Variants in DKK2 observed in about 807,000 individuals in gnomAD.
DKK2 encodes the protein dickkopf Wnt signaling pathway inhibitor 2, also known as dickkopf-related protein 2.
Under a neutral mutation model 28.1 loss-of-function variants are expected in DKK2, and 11 were observed. That is an observed-to-expected ratio of 0.39 (90% CI 0.25 to 0.65). The LOEUF (loss-of-function observed/expected upper bound fraction) is 0.65, where lower values mean the gene tolerates loss of function less well. Ranked by LOEUF, DKK2 falls within the 30% of genes least tolerant of loss-of-function variation. DKK2 has a pLI of 0.47. For missense variants in DKK2, 326 were observed against 335.5 expected (o/e 0.97, Z 0.22); for synonymous variants, 135 against 126.5 (o/e 1.07, Z -0.45).
chr4:106,983,030 A>C (rs556524715), intron 1 of DKK2, among the ~76,000 whole-genome samples: 35 of 151,430 alleles, frequency 2.3e-4, no homozygotes, highest in South Asian at 6.2e-4. Context: ...GGAAGGAAGA[A>C]GAAAGATGAA....
chr4:106,979,707 G>T (rs1722998262), intron 1 of DKK2, among the ~76,000 whole-genome samples: 1 of 152,188 alleles, frequency 6.6e-6, no homozygotes, highest in African/African-American at 2.4e-5. Context: ...ACGTGTTCAG[G>T]ATCAGCTCTG....
At chr4:106,933,096 G>T (rs1369633535) in intron 1 of DKK2, among the ~76,000 whole-genome samples, 1 of 152,126 alleles carries the variant, frequency 6.6e-6, no homozygotes, top group Non-Finnish European at 1.5e-5. Context: ...TTCTAATAGA[G>T]ATTCTATTTC....
At chr4:106,942,881 A>C (rs932695190) in intron 1 of DKK2, among the ~76,000 whole-genome samples, 3 of 152,088 alleles carry the variant, frequency 2.0e-5, no homozygotes, top group African/African-American at 7.2e-5. Flanking sequence ...TCTACATTAC[A>C]AATAAGACTA....
intron 1 of DKK2, among the ~76,000 whole-genome samples, chr4:106,986,000 T>C (rs1164991193): frequency 6.6e-6 from 1 of 152,104 alleles, no homozygotes; most frequent in East Asian, 1.9e-4. Context: ...TCAGCCAGCC[T>C]AATCTCCTTG....
chr4:107,008,792 T>G (rs1723475606), intron 1 of DKK2, among the ~76,000 whole-genome samples: 1 of 152,008 alleles, frequency 6.6e-6, no homozygotes, highest in South Asian at 2.1e-4. Context: ...GTTTTTACTG[T>G]TCAATAGTCT....
chr4:106,984,984 C>A (rs1387870965), intron 1 of DKK2, among the ~76,000 whole-genome samples: 1 of 152,106 alleles, frequency 6.6e-6, no homozygotes, highest in Non-Finnish European at 1.5e-5. Flanking sequence ...CCGAAGCGGG[C>A]AGATCACGAG....
chr4:106,994,329 CTTGACATAAT>C (rs1257980314), intron 1 of DKK2, among the ~76,000 whole-genome samples: 1 of 152,176 alleles, frequency 6.6e-6, no homozygotes, highest in African/African-American at 2.4e-5. Context: ...CTTACATTCA[CTTGACATAAT>C]TTTCAGAGTT....
In DKK2 at chr4:107,035,963, C is replaced by CGGCG. The variant is rs1723959758; in HGVS notation, c.-376_-373dup. The CGGCG allele has an allele frequency of 1.1e-5, 3 of 280,040 alleles. No individual in the cohort carries two copies. Among genetic ancestry groups the CGGCG allele is most frequent in the African/African-American group, 6.6e-5 (3 of 45,624 alleles). The allele number at this position is 280,040 out of a possible 1,614,324, so 17.3% of individuals were successfully genotyped here. A position where few individuals can be genotyped will look rare whatever the true frequency, so the allele number is the denominator to read the frequency against. ...CACCTCCTTGGTCCCGCCGGGATCT[C>CGGCG]GGCGGTTTAACTCTCCTCTTAATTG... On this transcript the variant is annotated 5_prime_UTR_variant, in exon 1 of 4. Coordinates refer to ENST00000285311, the MANE Select transcript of DKK2 (RefSeq NM_014421.3).
chr4:106,971,794 T>G (rs1722871410), intron 1 of DKK2, among the ~76,000 whole-genome samples: 1 of 152,074 alleles, frequency 6.6e-6, no homozygotes, highest in East Asian at 1.9e-4. Flanking sequence ...TCCTCTAAGC[T>G]TGGCACCACA....
chr4:107,017,627 TA>T (rs1723628948), intron 1 of DKK2, among the ~76,000 whole-genome samples: 1 of 151,804 alleles, frequency 6.6e-6, no homozygotes, highest in African/African-American at 2.4e-5. Flanking sequence ...AGTTCTTAAA[TA>T]TTGCTTTCTT....
At chr4:106,942,744 C>T (rs1724718598) in intron 1 of DKK2, among the ~76,000 whole-genome samples, 1 of 152,058 alleles carries the variant, frequency 6.6e-6, no homozygotes, top group Admixed American at 6.6e-5. Flanking sequence ...TTGCTAGGGT[C>T]AGTCTGTAAT....
intron 1 of DKK2, among the ~76,000 whole-genome samples, chr4:106,960,639 T>A (rs1722672971): frequency 6.6e-6 from 1 of 152,200 alleles, no homozygotes; most frequent in African/African-American, 2.4e-5. Context: ...TAAATTTATG[T>A]CTCAATAAAT....
At chr4:106,964,966 TAGATAG>T (rs1722747473) in intron 1 of DKK2, among the ~76,000 whole-genome samples, 1 of 136,742 alleles carries the variant, frequency 7.3e-6, no homozygotes, top group Non-Finnish European at 1.6e-5. Flanking sequence ...TAGATATAGA[TAGATAG>T]ATAGATAGAT....
intron 1 of DKK2, among the ~76,000 whole-genome samples, chr4:107,020,226 T>G (rs973709948): frequency 6.6e-6 from 1 of 152,120 alleles, no homozygotes; most frequent in Non-Finnish European, 1.5e-5. Flanking sequence ...GCAGAAGACC[T>G]GAGTATTGGC....
At chr4:107,020,295 C>A (rs1407465552) in intron 1 of DKK2, among the ~76,000 whole-genome samples, 1 of 151,988 alleles carries the variant, frequency 6.6e-6, no homozygotes, top group Admixed American at 6.6e-5. Flanking sequence ...CAATGCATTG[C>A]AGATGCTGTG....
chr4:106,931,213 T>C (rs1270075595), intron 1 of DKK2, among the ~76,000 whole-genome samples: 1 of 152,098 alleles, frequency 6.6e-6, no homozygotes, highest in African/African-American at 2.4e-5. Flanking sequence ...GCCAGGGGGA[T>C]TGAGCTATAT....
chr4:107,010,399 A>G (rs1723499715), intron 1 of DKK2, among the ~76,000 whole-genome samples: 1 of 151,678 alleles, frequency 6.6e-6, no homozygotes, highest in South Asian at 2.1e-4. Flanking sequence ...TGCTGTTTTC[A>G]TGTGATGTTT....
At chr4:106,953,223 A>G (rs2110347426) in intron 1 of DKK2, among the ~76,000 whole-genome samples, 1 of 152,292 alleles carries the variant, frequency 6.6e-6, no homozygotes, top group East Asian at 1.9e-4. Context: ...TTAGTTTAAG[A>G]TTTGAGATGT....
At chr4:107,024,391 T>C (rs545357414) in intron 1 of DKK2, among the ~76,000 whole-genome samples, 2 of 152,196 alleles carry the variant, frequency 1.3e-5, no homozygotes, top group South Asian at 4.1e-4. Flanking sequence ...ATCAGAAATA[T>C]GAAAGTATGA....
Sources: allele counts gnomAD v4.1 joint callset (sites outside exome capture counted in the v4.1 genomes callset), GRCh38; gene constraint gnomAD v4.1.1; transcripts MANE v1.5; gene names NCBI Gene and HGNC (gene_info 2026-07-23, HGNC 2026-07-21).